Variants in PPFIBP2 observed in about 807,000 individuals in gnomAD.
The protein encoded by PPFIBP2 is liprin-beta-2.
In PPFIBP2, 118 loss-of-function variants were observed where a neutral mutation model predicts 118.3. The observed-to-expected ratio is 1.00, with a 90% CI of 0.86 to 1.16. PPFIBP2 has a LOEUF of 1.16. Among genes scored for constraint, PPFIBP2 ranks in the 50% most tolerant of loss-of-function variants. The pLI, the probability that PPFIBP2 is intolerant of heterozygous loss-of-function variation, is 0.00. For missense variants in PPFIBP2, 1,195 were observed against 1,073.1 expected (o/e 1.11, Z -1.59); for synonymous variants, 414 against 397.4 (o/e 1.04, Z -0.50).
At position 7,577,883 on chromosome 11, in the gene PPFIBP2, G is replaced by A. The variant is rs113486893; in HGVS notation, c.279+12116G>A. On this transcript the variant is annotated intron_variant, in intron 3 of 23. Coordinates refer to ENST00000299492, the MANE Select transcript of PPFIBP2 (RefSeq NM_003621.5). ...CTGTACAGAAAGGCAAGAATGGAGT[G>A]AGGAAAGTTGGTTATTTTAACTTTG... Among the ~76,000 whole-genome samples the A allele has an allele frequency of 7.1e-3, 1,083 of 152,322 alleles. 13 individuals carry two copies. The highest frequency in any genetic ancestry group is 0.025 in the African/African-American group (1,026 of 41,570).
intron 6 of PPFIBP2, chr11:7,617,112 T>TCGGTTCTG: frequency 1.0e-6 from 1 of 985,288 alleles, no homozygotes; most frequent in South Asian, 4.7e-5. Flanking sequence ...CTTCCTACAG[T>TCGGTTCTG]CGGTTCTGAA....
chr11:7,649,748 T>C, intron 21 of PPFIBP2, 94 bp downstream of exon 21: 1 of 1,533,638 alleles, frequency 6.5e-7, no homozygotes. Flanking sequence ...ATAAAAGCAC[T>C]GTTTTTTGCA....
intron 3 of PPFIBP2, among the ~76,000 whole-genome samples, chr11:7,575,434 CTTTCTCT>C (rs1307577015): frequency 1.3e-5 from 2 of 152,158 alleles, no homozygotes; most frequent in Non-Finnish European, 2.9e-5. Context: ...CATTGGCCAC[CTTTCTCT>C]TTTCTCTTTT....
Position 7,642,445 on chromosome 11 carries a change from TC to T in PPFIBP2, c.1646+21del. The T allele has an allele frequency of 6.2e-7, 1 of 1,602,206 alleles. No homozygotes were observed. The highest frequency in any genetic ancestry group is 1.1e-5 in the South Asian group (1 of 89,550). On this transcript the variant is annotated intron_variant, in intron 17 of 23. Transcript: ENST00000299492. The stretch of plus-strand genomic sequence containing the variant: ...AGAAAAGGTAAGGCTTGACCCACTT[TC>T]CTTTGATCTCCCTGCTCTGAAAAAG...
rs1049262242 is a variant in PPFIBP2 at position 7,633,532 on chromosome 11, A to C, written c.1136+598A>C. On this transcript the variant is annotated intron_variant, in intron 12 of 23. Coordinates refer to ENST00000299492, the MANE Select transcript of PPFIBP2 (RefSeq NM_003621.5). ...GTAAGGGAGACATGGAGGCTTCACT[A>C]CCAAGGTACTGGCAACCACTACCAG... Among the ~76,000 whole-genome samples, 3 of 152,254 alleles carry C rather than the reference A, an allele frequency of 2.0e-5. No individual in the cohort carries two copies. In the East Asian group the frequency reaches 5.8e-4, roughly 29 times the overall value.
chr11:7,648,722 T>G, intron 18 of PPFIBP2, 78 bp from the exon 19 acceptor site: 1 of 1,476,932 alleles, frequency 6.8e-7, no homozygotes, highest in South Asian at 1.1e-5. Context: ...TCAGAGCATC[T>G]CCACCCAGAC....
chr11:7,601,785 C>T (rs1249005407), intron 5 of PPFIBP2, among the ~76,000 whole-genome samples: 1 of 151,904 alleles, frequency 6.6e-6, no homozygotes, highest in Admixed American at 6.6e-5. Context: ...CATGGTGAAA[C>T]CCCGTCTCTA....
chr11:7,583,904 T>G (rs1171246497), intron 3 of PPFIBP2, among the ~76,000 whole-genome samples: 1 of 152,240 alleles, frequency 6.6e-6, no homozygotes, highest in Non-Finnish European at 1.5e-5. Flanking sequence ...CCAAAGCTGC[T>G]GTTCTCACAT....
rs745411766 is a variant in PPFIBP2, at chr11:7,631,062, G to T, written c.1068+34G>T. On this transcript the variant is annotated intron_variant, in intron 11 of 23. Coordinates refer to ENST00000299492, the MANE Select transcript of PPFIBP2 (RefSeq NM_003621.5). ...TTTCCATCCATGACGTAGGGTTTCAGCAGGTCCTCCGAGCTTGCCCTGAGC... is the reference window on the plus strand; with the variant it reads ...TTTCCATCCATGACGTAGGGTTTCATCAGGTCCTCCGAGCTTGCCCTGAGC... 24 of 1,549,522 alleles carry T rather than the reference G, an allele frequency of 1.5e-5. No individual in the cohort carries two copies. The Middle Eastern group carries it at 5.1e-4, about 33-fold the overall frequency.
At chr11:7,592,732 G>C (rs890421137) in intron 3 of PPFIBP2, among the ~76,000 whole-genome samples, 13 of 152,320 alleles carry the variant, frequency 8.5e-5, no homozygotes, top group African/African-American at 3.1e-4. Flanking sequence ...CTGTTCCCAT[G>C]TAGTCCCTTG....
At position 7,549,453 on chromosome 11, in the gene PPFIBP2, A is replaced by C. The variant is rs370668132; in HGVS notation, c.-23A>C. ...TTGAATTTTCAGTAAGAAGAGGAGG[A>C]GGCCAGGCAGGCAAAAGGAGTCATG... On this transcript the variant is annotated 5_prime_UTR_variant, in exon 2 of 24. Coordinates refer to ENST00000299492, the MANE Select transcript of PPFIBP2 (RefSeq NM_003621.5). 7 of 1,554,814 alleles carry C rather than the reference A, an allele frequency of 4.5e-6. No homozygotes were observed. Among genetic ancestry groups the C allele is most frequent in the South Asian group, 3.6e-5 (3 of 84,144 alleles).
chr11:7,656,045 C>G (rs1854654943), downstream of PPFIBP2, among the ~76,000 whole-genome samples: 1 of 152,194 alleles, frequency 6.6e-6, no homozygotes, highest in Admixed American at 6.5e-5. Context: ...GCTGAAGTCC[C>G]TGCTCTGACT....
At chr11:7,535,047 T>A (rs1373145806) in intron 1 of PPFIBP2, among the ~76,000 whole-genome samples, 5 of 152,256 alleles carry the variant, frequency 3.3e-5, no homozygotes, top group Non-Finnish European at 4.4e-5. Context: ...GAGGATGGGC[T>A]GAGCTGCACA....
intron 10 of PPFIBP2, 112 bp downstream of exon 10, chr11:7,629,646 C>T (rs1850498059): frequency 9.7e-7 from 1 of 1,028,484 alleles, no homozygotes; most frequent in Admixed American, 1.9e-5. Flanking sequence ...GAGAAGACTC[C>T]CTACTGGAGA....
At chr11:7,597,708 G>T in intron 5 of PPFIBP2, 35 bp downstream of exon 5, 1 of 1,539,630 alleles carries the variant, frequency 6.5e-7, no homozygotes, top group South Asian at 1.1e-5. Flanking sequence ...CTTGGGTGCC[G>T]AAGCAGCTCA....
At chr11:7,543,466 C>T (rs929266271) in intron 1 of PPFIBP2, among the ~76,000 whole-genome samples, 1 of 152,178 alleles carries the variant, frequency 6.6e-6, no homozygotes, top group Non-Finnish European at 1.5e-5. Context: ...GACACTGGCC[C>T]CTGTCTAGTG....
chr11:7,527,733 A>G (rs957526704), intron 1 of PPFIBP2, among the ~76,000 whole-genome samples: 1 of 152,108 alleles, frequency 6.6e-6, no homozygotes, highest in Non-Finnish European at 1.5e-5. Context: ...GCCCGTTTCT[A>G]TGGGGCTGAA....
downstream of PPFIBP2, chr11:7,653,896 C>A: frequency 1.1e-6 from 1 of 884,394 alleles, no homozygotes. Context: ...CAGGATTCAC[C>A]AGGGGGGTAG....
chr11:7,662,894 T>C, the PPFIBP2 span, among the ~76,000 whole-genome samples: 26,630 of 123,532 alleles, frequency 0.22, 4,105 homozygotes, highest in Non-Finnish European at 0.33. Flanking sequence ...TCATTTCTTT[T>C]ATTTCATCTT....
Sources: gnomAD v4.1 joint callset for allele counts (sites outside exome capture counted in the v4.1 genomes callset) on GRCh38, gnomAD v4.1.1 for gene constraint, MANE v1.5 for transcripts, NCBI Gene and HGNC (gene_info 2026-07-23, HGNC 2026-07-21) for gene names.